The following MAP3K21 variants were observed in gnomAD, a reference collection of about 807,000 sequenced individuals.
MAP3K21 encodes the protein mitogen-activated protein kinase kinase kinase MLK4.
Under a neutral mutation model 86.1 loss-of-function variants are expected in MAP3K21, and 63 were observed. That is an observed-to-expected ratio of 0.73 (90% confidence interval 0.60 to 0.90). MAP3K21 has a LOEUF of 0.90. Among genes scored for constraint, MAP3K21 ranks in the 40% least tolerant of loss-of-function variants. The probability of loss-of-function intolerance (pLI) is 0.00; values close to 1 mark genes in which losing one functional copy is unlikely to be tolerated. For missense variants in MAP3K21, 1,220 were observed against 1,367.7 expected (o/e 0.89, Z 1.70); for synonymous variants, 558 against 564.8 (o/e 0.99, Z 0.17).
chr1:233,342,036 C>T (rs1430278986), intron 1 of MAP3K21, among the ~76,000 whole-genome samples: 1 of 150,762 alleles, frequency 6.6e-6, no homozygotes, highest in Admixed American at 6.6e-5. Flanking sequence ...TTTCAGCTTT[C>T]TGTGGTTTCA....
intron 5 of MAP3K21, among the ~76,000 whole-genome samples, chr1:233,365,550 G>A (rs1355030472): frequency 1.3e-5 from 2 of 152,190 alleles, no homozygotes; most frequent in Non-Finnish European, 2.9e-5. Flanking sequence ...AATCCTCAGG[G>A]AAATGCTAAT....
chr1:233,358,950 C>T (rs905674882), intron 4 of MAP3K21, among the ~76,000 whole-genome samples: 17 of 152,048 alleles, frequency 1.1e-4, no homozygotes, highest in Non-Finnish European at 1.6e-4. Context: ...GCTGGGATTA[C>T]AGGCGCCCAC....
intron 4 of MAP3K21, among the ~76,000 whole-genome samples, chr1:233,356,524 A>G (rs1384143945): frequency 1.3e-5 from 2 of 152,186 alleles, no homozygotes; most frequent in Non-Finnish European, 2.9e-5. Context: ...GTATATACAT[A>G]TTATGATTCC....
rs1378132972 is a variant in MAP3K21, at chr1:233,384,583, TA to T, written c.*1876del. On this transcript the variant is annotated 3_prime_UTR_variant, in exon 10 of 10. Coordinates refer to ENST00000366624, the MANE Select transcript of MAP3K21 (RefSeq NM_032435.3). ...GCTTAAGGGTAGAGAAATATATACC[TA>T]AAATCATCAATACATGAAAGAAAAA... 1 of 152,098 alleles carries T rather than the reference TA, an allele frequency of 6.6e-6. No homozygotes were observed. The highest frequency in any genetic ancestry group is 2.4e-5 in the African/African-American group (1 of 41,436). The allele number at this position is 152,098 out of a possible 1,614,324, so 9.4% of individuals were successfully genotyped here. A position where few individuals can be genotyped will look rare whatever the true frequency, so the allele number is the denominator to read the frequency against.
At position 233,382,845 on chromosome 1, in the gene MAP3K21, C is replaced by A; in HGVS notation, c.*134C>A. Reference sequence around the variant, plus strand: ...TGTTCCTAAATTAGTAAGATATATCCAGCTTCTCAAAAAATGTATATGATT... The same window carrying A: ...TGTTCCTAAATTAGTAAGATATATCAAGCTTCTCAAAAAATGTATATGATT... On this transcript the variant is annotated 3_prime_UTR_variant, in exon 10 of 10. Coordinates refer to ENST00000366624, the MANE Select transcript of MAP3K21 (RefSeq NM_032435.3). 2 of 726,826 alleles carry A rather than the reference C, an allele frequency of 2.8e-6. No individual in the cohort carries two copies. The highest frequency in any genetic ancestry group is 2.0e-5 in the South Asian group (1 of 50,536). 45.0% of individuals were successfully genotyped at this position (726,826 alleles called of 1,614,324 possible). A position where few individuals can be genotyped will look rare whatever the true frequency, so the allele number is the denominator to read the frequency against.
chr1:233,346,100 GA>G (rs1455331855), intron 1 of MAP3K21, among the ~76,000 whole-genome samples: 3 of 152,140 alleles, frequency 2.0e-5, no homozygotes, highest in African/African-American at 7.2e-5. Flanking sequence ...ACTTAGGTCA[GA>G]AAATAATGTA....
Position 233,362,311 on chromosome 1 carries a change from T to A in MAP3K21, c.1552+18T>A. 6.2e-7 allele frequency: 1 copy of A among 1,609,916 alleles called. No individual in the cohort carries two copies. Among genetic ancestry groups the A allele is most frequent in the Non-Finnish European group, 8.5e-7 (1 of 1,177,146 alleles). ...ACCTTCAGGTATGATCTTGTTTTTA[T>A]GTTTTTGAAAGATTTTTGTGTGTCC... On this transcript the variant is annotated intron_variant, in intron 5 of 9. Transcript: ENST00000366624.
intron 1 of MAP3K21, among the ~76,000 whole-genome samples, chr1:233,329,278 G>A (rs7550961): frequency 0.012 from 1,772 of 152,288 alleles, 29 homozygotes; most frequent in African/African-American, 0.04. Flanking sequence ...AACTTTACAA[G>A]TGCTGTATTG....
At chr1:233,364,417 A>C in intron 5 of MAP3K21, among the ~76,000 whole-genome samples, 1 of 152,162 alleles carries the variant, frequency 6.6e-6, no homozygotes, top group Non-Finnish European at 1.5e-5. Context: ...TATCCAAATT[A>C]ATATTTATTG....
intron 7 of MAP3K21, 138 bp from the exon 8 acceptor site, chr1:233,376,292 A>G: frequency 4.0e-6 from 3 of 741,248 alleles, no homozygotes; most frequent in Non-Finnish European, 6.7e-6. Context: ...TATTATTTGT[A>G]CTTTGTCAGC....
At position 233,328,719 on chromosome 1, in the gene MAP3K21, C is replaced by T; in HGVS notation, c.691C>T (p.Arg231Cys). The change falls in exon 1 of 10, where the codon CGC becomes TGC. Residue 231 changes from arginine to cysteine, a missense_variant. By Grantham distance (180) the Arg-to-Cys change is radical. Coordinates refer to ENST00000366624, the MANE Select transcript of MAP3K21 (RefSeq NM_032435.3). This position sits in a 1 kb window ranked among gnomAD's most constrained non-coding sequence, Gnocchi z 8.7. ...CGCGCCCGGCCCCCGCCGCGCGCGC[C>T]GCATCCCTCCGCACGTGCTGGTCAA... ...PRAPGPRRAR[R>C]IPPHVLVNWA... is the part of the protein sequence containing the mutation. The T allele has an allele frequency of 7.1e-6, 10 of 1,406,650 alleles. No homozygotes were observed. Among genetic ancestry groups the T allele is most frequent in the South Asian group, 3.2e-5 (2 of 62,382 alleles). 87.1% of individuals were successfully genotyped at this position (1,406,650 alleles called of 1,614,324 possible).
At chr1:233,352,412 T>C (rs1663267075) in intron 2 of MAP3K21, among the ~76,000 whole-genome samples, 3 of 152,032 alleles carry the variant, frequency 2.0e-5, no homozygotes, top group Admixed American at 2.0e-4. Context: ...CAGGGGTACT[T>C]ATTCCTATTA....
chr1:233,334,433 T>A (rs114356011), intron 1 of MAP3K21, among the ~76,000 whole-genome samples: 2,224 of 152,334 alleles, frequency 0.015, 27 homozygotes, highest in Middle Eastern at 0.027. Context: ...TCTGATACTG[T>A]ATTCGTTTCT....
At position 233,379,559 on chromosome 1, in the gene MAP3K21, C is replaced by T. The variant is rs770191441; in HGVS notation, c.2553C>T (p.Leu851=). ...CAGGAAGTGGTCGTGAGCCAGCCCT[C>T]ATGCCAAGACTTGACACTGATTGTA... ...TAPGSGREPA[L]MPRLDTDCSV... The change falls in exon 9 of 10, where the codon CTC becomes CTT. Residue 851 remains leucine (L), a synonymous_variant. Transcript: ENST00000366624. 59 of 1,614,084 alleles carry T rather than the reference C, an allele frequency of 3.7e-5. No homozygotes were observed. Among genetic ancestry groups the T allele is most frequent in the Non-Finnish European group, 4.9e-5 (58 of 1,180,050 alleles).
At chr1:233,376,243 T>C (rs528819698) in intron 7 of MAP3K21, among the ~76,000 whole-genome samples, 177 bp downstream of exon 7, 1 of 152,200 alleles carries the variant, frequency 6.6e-6, no homozygotes, top group Non-Finnish European at 1.5e-5. Context: ...AGTTAAGCAG[T>C]TAGAATATTT....
At chr1:233,368,845 G>C (rs928003422) in intron 5 of MAP3K21, among the ~76,000 whole-genome samples, 1 of 152,156 alleles carries the variant, frequency 6.6e-6, no homozygotes, top group African/African-American at 2.4e-5. Flanking sequence ...AGGATCTGCT[G>C]TGTCCCCAGT....
chr1:233,383,286 C>T lies in MAP3K21; in HGVS notation c.*575C>T, dbSNP rs1663954853. The T allele has an allele frequency of 6.5e-6, 1 of 152,716 alleles. No individual in the cohort carries two copies. The highest frequency in any genetic ancestry group is 2.4e-5 in the African/African-American group (1 of 41,382). 9.5% of individuals were successfully genotyped at this position (152,716 alleles called of 1,614,324 possible). A position where few individuals can be genotyped will look rare whatever the true frequency, so the allele number is the denominator to read the frequency against. On this transcript the variant is annotated 3_prime_UTR_variant, in exon 10 of 10. Transcript: ENST00000366624. ...TAGATATAAAGTCCTGTTTAAACTA[C>T]CTAACCTTGGCTGTGGGCCGATAAT...
Position 233,328,552 on chromosome 1 carries a change from T to C in MAP3K21, c.524T>C (p.Phe175Ser). The change falls in exon 1 of 10, where the codon TTC becomes TCC. Residue 175 changes from phenylalanine to serine, a missense_variant. By Grantham distance (155) the Phe-to-Ser change is radical. Around this residue, in one of 5 missense-constraint regions of MAP3K21, gnomAD observed 369 missense variants for 385.3 expected, o/e 0.96. Transcript: ENST00000366624. The surrounding 1 kb of genome is among the most constrained non-coding windows in gnomAD (Gnocchi z 8.7). ...AESVRREARL[F>S]AMLRHPNIIE... ...AGCGTGCGGCGCGAGGCTCGGCTCT[T>C]CGCCATGCTGCGGCACCCCAACATC... The C allele has an allele frequency of 6.5e-7, 1 of 1,533,754 alleles. No individual in the cohort carries two copies. The highest frequency in any genetic ancestry group is 8.7e-7 in the Non-Finnish European group (1 of 1,151,308).
chr1:233,339,389 TCTC>T (rs1662990258), intron 1 of MAP3K21, among the ~76,000 whole-genome samples: 1 of 45,730 alleles, frequency 2.2e-5, no homozygotes, highest in African/African-American at 7.8e-5. Flanking sequence ...TTCTCCTTCT[TCTC>T]CTCCTTCTCC....
Sources: allele counts gnomAD v4.1 joint callset (sites outside exome capture counted in the v4.1 genomes callset), GRCh38; gene constraint gnomAD v4.1.1; regional missense constraint gnomAD v4.1.1; non-coding constraint Gnocchi (gnomAD v3.1); transcripts MANE v1.5; gene names NCBI Gene and HGNC (gene_info 2026-07-23, HGNC 2026-07-21).